PPP1R3A: variants seen among roughly 807,000 people sequenced by gnomAD.
The protein encoded by PPP1R3A is protein phosphatase 1 regulatory subunit 3A.
In PPP1R3A, 29 loss-of-function variants were observed where a neutral mutation model predicts 41.7. The ratio of observed to expected loss-of-function variants is 0.70; its 90% CI spans 0.52 to 0.95. PPP1R3A has a LOEUF of 0.95. Ranked by LOEUF, PPP1R3A falls within the 40% of genes least tolerant of loss-of-function variation. PPP1R3A has a pLI of 0.00. For synonymous variants in PPP1R3A, 485 were observed against 453.4 expected (o/e 1.07, Z -0.89); for missense variants, 1,352 against 1,292.4 (o/e 1.05, Z -0.71).
chr7:113,899,797 C>T (rs776502348), intron 1 of PPP1R3A, among the ~76,000 whole-genome samples: 2 of 151,716 alleles, frequency 1.3e-5, no homozygotes, highest in African/African-American at 2.4e-5. Flanking sequence ...TATGTGCAGC[C>T]AATTTTGAGA....
Position 113,879,568 on chromosome 7 carries a change from T to TGGA in PPP1R3A, c.1523_1524insTCC (p.Glu508delinsAspPro). ...CATCCTTACCATTGCCATAATAATCTTCCTTAGAAGATCCTTCTTCTGTTG... is the reference window on the plus strand; with the variant it reads ...CATCCTTACCATTGCCATAATAATCTGGATCCTTAGAAGATCCTTCTTCTGTTG... On this transcript the variant is annotated protein_altering_variant, in exon 4 of 4. Transcript: ENST00000284601. 6.2e-7 allele frequency: 1 copy of TGGA among 1,612,990 alleles called. No homozygotes were observed. Among genetic ancestry groups the TGGA allele is most frequent in the Non-Finnish European group, 8.5e-7 (1 of 1,179,410 alleles).
chr7:113,902,626 G>A (rs930321457), intron 1 of PPP1R3A, among the ~76,000 whole-genome samples: 1 of 151,750 alleles, frequency 6.6e-6, no homozygotes. Context: ...ATTTGTACTG[G>A]TGGTTCCTTC....
rs574040834 is a variant in PPP1R3A, at chr7:113,882,258, T to C, written c.841+4A>G. On this transcript the variant is annotated splice_donor_region_variant and intron_variant, in intron 2 of 3. Coordinates refer to ENST00000284601, the MANE Select transcript of PPP1R3A (RefSeq NM_002711.4). ...TTGGTTTTAAAATTAATGAAGAATATTACCTGTATTCTTTGGATTCTCAAA... is the reference window on the plus strand; with the variant it reads ...TTGGTTTTAAAATTAATGAAGAATACTACCTGTATTCTTTGGATTCTCAAA... The C allele has an allele frequency of 4.0e-5, 60 of 1,511,510 alleles. No individual in the cohort carries two copies. The highest frequency in any genetic ancestry group is 1.8e-4 in the Admixed American group (11 of 59,482). 93.6% of individuals were successfully genotyped at this position (1,511,510 alleles called of 1,614,324 possible). A position where few individuals can be genotyped will look rare whatever the true frequency, so the allele number is the denominator to read the frequency against.
chr7:113,890,155 C>G (rs1251922927), intron 1 of PPP1R3A, among the ~76,000 whole-genome samples: 1 of 151,996 alleles, frequency 6.6e-6, no homozygotes, highest in African/African-American at 2.4e-5. Flanking sequence ...GACTAAAAGC[C>G]CAGGGCACCA....
intron 1 of PPP1R3A, among the ~76,000 whole-genome samples, chr7:113,912,437 T>C (rs759342228): frequency 2.6e-5 from 4 of 152,104 alleles, no homozygotes; most frequent in East Asian, 3.9e-4. Context: ...CATATATATA[T>C]ACACAAACAC....
In PPP1R3A at chr7:113,879,770, T is replaced by C; in HGVS notation, c.1322A>G (p.Asn441Ser). 6.2e-7 allele frequency: 1 copy of C among 1,613,388 alleles called. No individual in the cohort carries two copies. The highest frequency in any genetic ancestry group is 8.5e-7 in the Non-Finnish European group (1 of 1,179,644). Residue 441 changes from asparagine to serine, a missense_variant, in exon 4 of 4, where the codon AAT becomes AGT. Asn to Ser is a conservative substitution (Grantham distance 46). Transcript: ENST00000284601. ...HTGSKEVLDD[N>S]ANPAHGNGTV... ...GCCATTGCCATGGGCTGGATTAGCATTATCATCCAGGACTTCTTTGCTGCC... is the reference window on the plus strand; with the variant it reads ...GCCATTGCCATGGGCTGGATTAGCACTATCATCCAGGACTTCTTTGCTGCC...
chr7:113,891,399 T>A (rs751629126), intron 1 of PPP1R3A, among the ~76,000 whole-genome samples: 4 of 152,054 alleles, frequency 2.6e-5, no homozygotes, highest in Non-Finnish European at 5.9e-5. Context: ...CTCTGAGTTA[T>A]CTATATTTTT....
intron 1 of PPP1R3A, among the ~76,000 whole-genome samples, chr7:113,896,266 C>G (rs1796973528): frequency 6.6e-6 from 1 of 151,924 alleles, no homozygotes; most frequent in African/African-American, 2.4e-5. Flanking sequence ...CTTCCATCCT[C>G]TGTCACAGAT....
chr7:113,879,655 T>A lies in PPP1R3A; in HGVS notation c.1437A>T (p.Val479=). 1 of 1,613,382 alleles carries A rather than the reference T, an allele frequency of 6.2e-7. No individual in the cohort carries two copies. The highest frequency in any genetic ancestry group is 8.5e-7 in the Non-Finnish European group (1 of 1,179,714). Residue 479 remains valine, a synonymous_variant, in exon 4 of 4, where the codon GTA becomes GTT. Transcript: ENST00000284601. ...CTCTTCGTAAACATCCCAAATCTTT[T>A]ACTTCAATATTTTTAGCTCCTCCTT... is the stretch of plus-strand genomic sequence containing the variant. ...KHEGGAKNIE[V]KDLGCLRRDF... is the part of the protein sequence containing the mutation.
chr7:113,883,672 C>T (rs1009518633), intron 1 of PPP1R3A, among the ~76,000 whole-genome samples: 2 of 151,870 alleles, frequency 1.3e-5, no homozygotes, highest in Non-Finnish European at 2.9e-5. Context: ...GGCTGACACA[C>T]CTTCCCTTCT....
intron 1 of PPP1R3A, among the ~76,000 whole-genome samples, chr7:113,911,486 T>C (rs1797248773): frequency 6.6e-6 from 1 of 152,142 alleles, no homozygotes; most frequent in African/African-American, 2.4e-5. Flanking sequence ...TTTCATCTTC[T>C]ATTCATAGGC....
At chr7:113,901,999 T>G (rs1797069614) in intron 1 of PPP1R3A, among the ~76,000 whole-genome samples, 1 of 151,900 alleles carries the variant, frequency 6.6e-6, no homozygotes, top group Admixed American at 6.6e-5. Flanking sequence ...AGTCATAACT[T>G]TTAGAAAACA....
In PPP1R3A at chr7:113,896,731, T is replaced by C. The variant is rs74597263; in HGVS notation, c.783-14411A>G. Among the ~76,000 whole-genome samples the C allele has an allele frequency of 8.2e-3, 1,248 of 151,734 alleles. 16 individuals are homozygous for C. Among genetic ancestry groups the C allele is most frequent in the African/African-American group, 0.026 (1,086 of 41,432 alleles). ...AGTATTTGATACCAATGTAACACAA[T>C]AAATGAGGAAACAGATGTAAGCCAC... On this transcript the variant is annotated intron_variant, in intron 1 of 3. Transcript: ENST00000284601.
chr7:113,884,336 G>A (rs183302051), intron 1 of PPP1R3A, among the ~76,000 whole-genome samples: 216 of 152,128 alleles, frequency 1.4e-3, no homozygotes, highest in Non-Finnish European at 2.5e-3. Flanking sequence ...TAGCAGGGAG[G>A]AGGAACTTTT....
intron 1 of PPP1R3A, 96 bp downstream of exon 1, chr7:113,918,117 ATT>A: frequency 3.3e-6 from 4 of 1,224,278 alleles, no homozygotes; most frequent in Non-Finnish European, 3.4e-6. Context: ...CAAGCAGTAT[ATT>A]TTTAAATAGA....
chr7:113,878,617 C>T lies in PPP1R3A; in HGVS notation c.2475G>A (p.Met825Ile), dbSNP rs371701204. 6.0e-5 allele frequency: 97 copies of T among 1,613,322 alleles called. No homozygotes were observed. The highest frequency in any genetic ancestry group is 7.5e-5 in the Non-Finnish European group (88 of 1,179,640). The stretch of plus-strand genomic sequence containing the variant: ...TGTCATGTGTCTTCCTAGGATTGTA[C>T]ATAGACATGGTTTCTTCCTTCTCCA... ...DEMEKEETMSMYNPRKTHDRE... is the reference protein window; with the variant it reads ...DEMEKEETMSIYNPRKTHDRE... The change falls in exon 4 of 4, where the codon ATG becomes ATA. Residue 825 changes from methionine to isoleucine, a missense_variant. Transcript: ENST00000284601.
chr7:113,909,117 A>AC (rs1287825839), intron 1 of PPP1R3A, among the ~76,000 whole-genome samples: 2 of 151,920 alleles, frequency 1.3e-5, no homozygotes, highest in Non-Finnish European at 2.9e-5. Context: ...CTGCACATGG[A>AC]CCCCTTGAAT....
In PPP1R3A at chr7:113,897,125, T is replaced by G. The variant is rs1192988970; in HGVS notation, c.783-14805A>C. Among the ~76,000 whole-genome samples, 6 of 152,034 alleles carry G rather than the reference T, an allele frequency of 3.9e-5. 1 individual carries two copies. In the East Asian group the frequency reaches 1.2e-3, roughly 30 times the overall value. The stretch of plus-strand genomic sequence containing the variant: ...TAGTGTGATCTAAAGTACAACACAA[T>G]CTTTCATTACTATTTCTCTCTTAAA... On this transcript the variant is annotated intron_variant, in intron 1 of 3. Coordinates refer to ENST00000284601, the MANE Select transcript of PPP1R3A (RefSeq NM_002711.4).
rs150907635 is a variant in PPP1R3A, at chr7:113,886,307, T to C, written c.783-3987A>G. ...GAGGTGATTGTATTATGGGGGTGGG[T>C]CTTTTCTGCACCATTCTCATGATAG... On this transcript the variant is annotated intron_variant, in intron 1 of 3. Coordinates refer to ENST00000284601, the MANE Select transcript of PPP1R3A (RefSeq NM_002711.4). Among the ~76,000 whole-genome samples the C allele has an allele frequency of 7.3e-3, 1,116 of 151,974 alleles. 12 individuals carry two copies. The highest frequency in any genetic ancestry group is 0.025 in the African/African-American group (1,030 of 41,436).
Sources: allele counts gnomAD v4.1 joint callset (sites outside exome capture counted in the v4.1 genomes callset), GRCh38; gene constraint gnomAD v4.1.1; transcripts MANE v1.5; gene names NCBI Gene and HGNC (gene_info 2026-07-23, HGNC 2026-07-21).